DNAAF9: variants seen among roughly 807,000 people sequenced by gnomAD.
DNAAF9 encodes shulin.
Under a neutral mutation model 167.0 loss-of-function variants are expected in DNAAF9, and 90 were observed. The observed-to-expected ratio is 0.54, with a 90% CI of 0.45 to 0.64. The LOEUF (loss-of-function observed/expected upper bound fraction) is 0.64, where lower values mean the gene tolerates loss of function less well. DNAAF9 is among the 30% of genes least tolerant of loss of function. The probability of loss-of-function intolerance (pLI) is 0.00; values close to 1 mark genes in which losing one functional copy is unlikely to be tolerated. For missense variants in DNAAF9, 1,315 were observed against 1,442.2 expected (o/e 0.91, Z 1.43); for synonymous variants, 491 against 508.8 (o/e 0.96, Z 0.47).
At position 3,268,897 on chromosome 20, in the gene DNAAF9, C is replaced by CTTTTTTTTTTTTTTTTTTTTTT. The variant is rs386393120; in HGVS notation, c.2786+1508_2786+1529dup. Among the ~76,000 whole-genome samples the CTTTTTTTTTTTTTTTTTTTTTT allele has an allele frequency of 6.6e-4, 57 of 85,844 alleles. 6 individuals carry two copies. The highest frequency in any genetic ancestry group is 9.0e-4 in the Non-Finnish European group (42 of 46,588). The allele number at this position is 85,844 out of a possible 152,430, so 56.3% of individuals were successfully genotyped here. ...GTAAAGAGATAATATCTCTATGTTA[C>CTTTTTTTTTTTTTTTTTTTTTT]TTTTTTTTTTTTTTTTTTTTTTTTG... is the stretch of plus-strand genomic sequence containing the variant. On this transcript the variant is annotated intron_variant, in intron 30 of 36. Transcript: ENST00000252032.
At chr20:3,281,852 CA>C in intron 27 of DNAAF9, 86 bp from the exon 28 acceptor site, 2 of 1,408,320 alleles carry the variant, frequency 1.4e-6, no homozygotes, top group Non-Finnish European at 2.0e-6. Flanking sequence ...GCTGATTGAA[CA>C]AGGATGGAAA....
chr20:3,393,749 TA>T (rs1465335977), intron 1 of DNAAF9, among the ~76,000 whole-genome samples: 3 of 152,200 alleles, frequency 2.0e-5, no homozygotes, highest in Non-Finnish European at 4.4e-5. Flanking sequence ...GCCTGCATTT[TA>T]AATTTTGATA....
At chr20:3,335,028 G>T (rs945238389) in intron 10 of DNAAF9, among the ~76,000 whole-genome samples, 2 of 152,208 alleles carry the variant, frequency 1.3e-5, no homozygotes, top group Non-Finnish European at 2.9e-5. Flanking sequence ...TGGCTTTGGA[G>T]TGATACAGAC....
chr20:3,302,805 G>C (rs1204395208), intron 21 of DNAAF9, among the ~76,000 whole-genome samples: 1 of 151,860 alleles, frequency 6.6e-6, no homozygotes, highest in African/African-American at 2.4e-5. Context: ...GATGAAAAAG[G>C]GCATGAGAAA....
chr20:3,287,835 C>T, intron 26 of DNAAF9, 45 bp from the exon 27 acceptor site: 2 of 1,559,336 alleles, frequency 1.3e-6, no homozygotes, highest in Non-Finnish European at 1.8e-6. Flanking sequence ...CACCTGATGG[C>T]CTAGCTCCAT....
chr20:3,307,125 A>G, intron 20 of DNAAF9: 1 of 984,292 alleles, frequency 1.0e-6, no homozygotes, highest in Non-Finnish European at 1.2e-6. Context: ...TTTACTCAAT[A>G]GGAAGATGGG....
intron 6 of DNAAF9, 91 bp downstream of exon 6, chr20:3,373,957 T>C (rs1600881514): frequency 2.6e-6 from 2 of 769,986 alleles, no homozygotes; most frequent in East Asian, 5.1e-5. Flanking sequence ...TGCCAGCTTT[T>C]TGGTGTTATA....
chr20:3,262,878 C>T (rs1244483351), intron 31 of DNAAF9, among the ~76,000 whole-genome samples: 1 of 151,870 alleles, frequency 6.6e-6, no homozygotes, highest in African/African-American at 2.4e-5. Flanking sequence ...ATCAGAGATT[C>T]CTTCTAAGAA....
chr20:3,322,937 C>T (rs1441680788), intron 14 of DNAAF9, among the ~76,000 whole-genome samples: 1 of 151,978 alleles, frequency 6.6e-6, no homozygotes, highest in Non-Finnish European at 1.5e-5. Context: ...ACGGTCTTGA[C>T]TCTTGGACCA....
intron 1 of DNAAF9, among the ~76,000 whole-genome samples, chr20:3,404,191 A>T (rs1423500053): frequency 6.6e-6 from 1 of 152,070 alleles, no homozygotes; most frequent in Non-Finnish European, 1.5e-5. Context: ...CACCATGCCC[A>T]GCTAATTTTT....
At chr20:3,328,298 C>T (rs1186708800) in intron 12 of DNAAF9, among the ~76,000 whole-genome samples, 1 of 151,610 alleles carries the variant, frequency 6.6e-6, no homozygotes, top group African/African-American at 2.4e-5. Flanking sequence ...TTTCCTGCCT[C>T]AGCCTCCTGA....
At chr20:3,255,904 G>C in intron 34 of DNAAF9, 102 bp downstream of exon 34, 2 of 840,992 alleles carry the variant, frequency 2.4e-6, no homozygotes, top group South Asian at 3.2e-5. Flanking sequence ...AAGCCCAGTG[G>C]GGAGGCATCA....
intron 1 of DNAAF9, among the ~76,000 whole-genome samples, chr20:3,385,605 T>A (rs925816612): frequency 1.3e-5 from 2 of 151,986 alleles, no homozygotes; most frequent in African/African-American, 4.8e-5. Flanking sequence ...TGAAAAAAAA[T>A]TTTGGAGAGA....
At chr20:3,297,979 A>C in intron 22 of DNAAF9, 50 bp downstream of exon 22, 1 of 1,451,044 alleles carries the variant, frequency 6.9e-7, no homozygotes, top group Middle Eastern at 1.7e-4. Flanking sequence ...TTAAATTGCT[A>C]GGGGGAAAAA....
At chr20:3,302,506 C>T (rs1031437710) in intron 21 of DNAAF9, among the ~76,000 whole-genome samples, 2 of 152,064 alleles carry the variant, frequency 1.3e-5, no homozygotes, top group Admixed American at 1.3e-4. Flanking sequence ...ATCGATCTAC[C>T]CCTCCCCATC....
At chr20:3,314,927 A>G (rs1279714134) in intron 20 of DNAAF9, 106 bp downstream of exon 20, 7 of 709,722 alleles carry the variant, frequency 9.9e-6, no homozygotes, top group Non-Finnish European at 1.8e-5. Context: ...TCTGTACCAC[A>G]ATTGTGTTCA....
At chr20:3,380,212 C>T (rs2083629577) in intron 3 of DNAAF9, among the ~76,000 whole-genome samples, 1 of 152,138 alleles carries the variant, frequency 6.6e-6, no homozygotes. Context: ...TCTAAACCAG[C>T]AGATGTTGTA....
At chr20:3,388,298 T>A (rs1333271830) in intron 1 of DNAAF9, among the ~76,000 whole-genome samples, 1 of 152,110 alleles carries the variant, frequency 6.6e-6, no homozygotes, top group African/African-American at 2.4e-5. Context: ...GCACTACTGG[T>A]GGGAATGTAA....
chr20:3,281,249 G>A (rs1443049940), intron 28 of DNAAF9, among the ~76,000 whole-genome samples: 3 of 152,096 alleles, frequency 2.0e-5, no homozygotes, highest in South Asian at 2.1e-4. Flanking sequence ...GGCTGGTCTC[G>A]AACTCCTGTC....
Sources: allele counts gnomAD v4.1 joint callset (sites outside exome capture counted in the v4.1 genomes callset), GRCh38; gene constraint gnomAD v4.1.1; transcripts MANE v1.5; gene names NCBI Gene and HGNC (gene_info 2026-07-23, HGNC 2026-07-21).